The following PBX1 variants were observed in gnomAD, a reference collection of about 807,000 sequenced individuals.
The protein encoded by PBX1 is pre-B-cell leukemia transcription factor 1.
Under a neutral mutation model 53.4 loss-of-function variants are expected in PBX1, and 6 were observed. The observed-to-expected ratio is 0.11, with a 90% CI of 0.06 to 0.22. The LOEUF (loss-of-function observed/expected upper bound fraction) is 0.22. Ranked by LOEUF, PBX1 falls within the 10% of genes least tolerant of loss-of-function variation. The pLI, the probability that PBX1 is intolerant of heterozygous loss-of-function variation, is 1.00. For missense variants in PBX1, 251 were observed against 551.4 expected (o/e 0.46, Z 5.46); for synonymous variants, 204 against 212.3 (o/e 0.96, Z 0.34).
intron 2 of PBX1, among the ~76,000 whole-genome samples, chr1:164,885,418 G>A (rs1046813811): frequency 6.6e-6 from 1 of 152,204 alleles, no homozygotes; most frequent in African/African-American, 2.4e-5. Context: ...GAGTGGAAAT[G>A]ACAGCACACC....
intron 2 of PBX1, among the ~76,000 whole-genome samples, chr1:164,640,454 C>G (rs1211043553): frequency 1.3e-5 from 2 of 152,072 alleles, no homozygotes; most frequent in Admixed American, 6.5e-5. Context: ...GCAGATTGCT[C>G]CTGGTGCAAC....
chr1:164,781,097 G>A (rs944612894), intron 2 of PBX1, among the ~76,000 whole-genome samples: 5 of 152,186 alleles, frequency 3.3e-5, no homozygotes, highest in African/African-American at 1.2e-4. Context: ...GTAATGAGTG[G>A]TGATGGATCA....
At chr1:164,565,890 T>C (rs1653402373) in intron 2 of PBX1, among the ~76,000 whole-genome samples, 1 of 152,080 alleles carries the variant, frequency 6.6e-6, no homozygotes, top group Non-Finnish European at 1.5e-5. Flanking sequence ...AAATGAGTAT[T>C]TTTGAGTTTC....
At chr1:164,779,380 A>G (rs907737399) in intron 2 of PBX1, among the ~76,000 whole-genome samples, 1 of 152,122 alleles carries the variant, frequency 6.6e-6, no homozygotes, top group African/African-American at 2.4e-5. Flanking sequence ...CGAGAGACCA[A>G]CTGGGGTCCT....
chr1:164,650,580 G>A (rs1374056976), intron 2 of PBX1, among the ~76,000 whole-genome samples: 2 of 152,134 alleles, frequency 1.3e-5, no homozygotes, highest in Admixed American at 1.3e-4. Flanking sequence ...TCTGTTTACA[G>A]TCTGCATTAT....
intron 2 of PBX1, among the ~76,000 whole-genome samples, chr1:164,755,094 C>T (rs1291085550): frequency 2.6e-5 from 4 of 152,196 alleles, no homozygotes; most frequent in East Asian, 1.9e-4. Context: ...TCAGCTTCTC[C>T]AGCTACCCTA....
intron 2 of PBX1, among the ~76,000 whole-genome samples, chr1:164,664,248 C>T (rs1163849793): frequency 4.6e-5 from 7 of 152,164 alleles, no homozygotes; most frequent in Admixed American, 1.3e-4. Flanking sequence ...AACCAGCAGG[C>T]GGACCATGTC....
At chr1:164,841,708 A>C (rs1290023886) in intron 8 of PBX1, among the ~76,000 whole-genome samples, 1 of 152,158 alleles carries the variant, frequency 6.6e-6, no homozygotes, top group Non-Finnish European at 1.5e-5. Flanking sequence ...TGATGAATCT[A>C]GGATGTGACC....
chr1:164,604,645 A>T lies in PBX1; in HGVS notation c.265+41334A>T, dbSNP rs541719309. On this transcript the variant is annotated intron_variant, in intron 2 of 8. Transcript: ENST00000420696. ...TTATAGCGGCATTCATATGTAATAA[A>T]TAACTTATCAAAATAGTCATAAAGG... 6.6e-5 allele frequency among the ~76,000 whole-genome samples: 10 copies of T among 152,326 alleles called. No homozygotes were observed. The South Asian group carries it at 1.4e-3, about 22-fold the overall frequency.
chr1:164,685,715 C>T (rs896444930), intron 2 of PBX1, among the ~76,000 whole-genome samples: 2 of 152,172 alleles, frequency 1.3e-5, no homozygotes, highest in Admixed American at 6.5e-5. Context: ...GTAGGCATTT[C>T]CCCTTTTTCA....
At chr1:164,643,246 C>A (rs2792262) in intron 2 of PBX1, among the ~76,000 whole-genome samples, 3 of 152,148 alleles carry the variant, frequency 2.0e-5, no homozygotes, top group South Asian at 2.1e-4. Flanking sequence ...GACGCTCTCC[C>A]TACCCCCGTG....
rs902799815 is a variant in PBX1, at chr1:164,808,505, A to G, written c.837+828A>G. On this transcript the variant is annotated intron_variant, in intron 5 of 8. Transcript: ENST00000420696. ...TTTTTCTTAGAATTTTGTCACATGC[A>G]GGAGAATTAAATGTACTGATATTTC... Among the ~76,000 whole-genome samples, 15 of 152,334 alleles carry G rather than the reference A, an allele frequency of 9.8e-5. No homozygotes were observed. In the East Asian group the frequency reaches 2.9e-3, roughly 29 times the overall value.
intron 2 of PBX1, chr1:164,884,498 G>A (rs1477490656): frequency 2.1e-6 from 1 of 487,260 alleles, no homozygotes; most frequent in East Asian, 4.8e-5. Context: ...TGGATAGGGG[G>A]TGTTAAAGTT....
chr1:164,880,041 G>A (rs1013498014), intron 2 of PBX1, among the ~76,000 whole-genome samples: 1 of 152,144 alleles, frequency 6.6e-6, no homozygotes, highest in African/African-American at 2.4e-5. Context: ...CTCTCTGGCA[G>A]TTTTCCCTTC....
At chr1:164,844,117 T>TTCTTTC (rs1177284159) in intron 8 of PBX1, among the ~76,000 whole-genome samples, 2 of 140,360 alleles carry the variant, frequency 1.4e-5, no homozygotes, top group South Asian at 4.6e-4. Context: ...CTTTCTTTCT[T>TTCTTTC]TTTTTTTTTT....
In PBX1 at chr1:164,865,019, G is replaced by A. The variant is rs567843323; in HGVS notation, n.257+33536G>A. 1.1e-3 allele frequency among the ~76,000 whole-genome samples: 163 copies of A among 152,342 alleles called. 1 individual carries two copies. Among genetic ancestry groups the A allele is most frequent in the Non-Finnish European group, 1.8e-3 (121 of 68,036 alleles). ...GATTGCCATCTGATGGCAGGGTCAC[G>A]ACCCCACAGACAGTGACAGTCACCA... On this transcript the variant is annotated intron_variant and non_coding_transcript_variant, in intron 2 of 2. Transcript: ENST00000558796.
intron 2 of PBX1, among the ~76,000 whole-genome samples, chr1:164,755,398 C>T (rs912084193): frequency 3.9e-5 from 6 of 152,102 alleles, no homozygotes. Context: ...ATCCGCCCAC[C>T]CTGGCCTCCC....
chr1:164,704,044 C>T (rs1265616996), intron 2 of PBX1, among the ~76,000 whole-genome samples: 1 of 152,122 alleles, frequency 6.6e-6, no homozygotes, highest in Non-Finnish European at 1.5e-5. Flanking sequence ...TGGTAAAATG[C>T]TGCAATAGAT....
intron 2 of PBX1, among the ~76,000 whole-genome samples, chr1:164,631,990 G>A (rs1321175347): frequency 6.6e-6 from 1 of 152,220 alleles, no homozygotes; most frequent in African/African-American, 2.4e-5. Context: ...GCCGTAGAGA[G>A]GCAAATTAGA....
Sources: gnomAD v4.1 joint callset for allele counts (sites outside exome capture counted in the v4.1 genomes callset) on GRCh38, gnomAD v4.1.1 for gene constraint, MANE v1.5 for transcripts, NCBI Gene and HGNC (gene_info 2026-07-23, HGNC 2026-07-21) for gene names.